Variants in CCSER1 observed in about 807,000 individuals in gnomAD.
The protein encoded by CCSER1 is coiled-coil serine rich protein 1.
Under a neutral mutation model 82.0 loss-of-function variants are expected in CCSER1, and 41 were observed. That is an observed-to-expected ratio of 0.50 (90% CI 0.39 to 0.65). The LOEUF (loss-of-function observed/expected upper bound fraction) is 0.65, where lower values mean the gene tolerates loss of function less well. Ranked by LOEUF, CCSER1 falls within the 30% of genes least tolerant of loss-of-function variation. CCSER1 has a pLI of 0.00. For missense variants in CCSER1, 1,119 were observed against 1,064.2 expected (o/e 1.05, Z -0.72); for synonymous variants, 414 against 383.9 (o/e 1.08, Z -0.92).
intron 5 of CCSER1, among the ~76,000 whole-genome samples, chr4:90,483,119 T>C (rs575270496): frequency 6.6e-6 from 1 of 152,316 alleles, no homozygotes; most frequent in African/African-American, 2.4e-5. Context: ...CCCTTTACCA[T>C]TATGTAATGG....
chr4:90,434,340 C>T (rs1041372348), intron 4 of CCSER1, among the ~76,000 whole-genome samples: 3 of 152,044 alleles, frequency 2.0e-5, no homozygotes, highest in African/African-American at 4.8e-5. Flanking sequence ...TAATTCTACC[C>T]TGCCCTGTTT....
intron 5 of CCSER1, among the ~76,000 whole-genome samples, chr4:90,544,184 GT>G (rs1247326858): frequency 6.6e-6 from 1 of 152,024 alleles, no homozygotes; most frequent in African/African-American, 2.4e-5. Flanking sequence ...ATCCTTTGTC[GT>G]GGAGAAAAAC....
intron 10 of CCSER1, among the ~76,000 whole-genome samples, chr4:91,089,841 C>T (rs1344611947): frequency 2.0e-5 from 3 of 152,162 alleles, no homozygotes; most frequent in Non-Finnish European, 4.4e-5. Flanking sequence ...ATGTCTTCAA[C>T]TACTTGCCCT....
chr4:90,373,065 G>C (rs189246687), intron 3 of CCSER1, among the ~76,000 whole-genome samples: 64 of 152,054 alleles, frequency 4.2e-4, no homozygotes, highest in African/African-American at 1.4e-3. Context: ...CTTATCTGTT[G>C]AGAGTTGACT....
intron 1 of CCSER1, among the ~76,000 whole-genome samples, chr4:90,229,604 A>G (rs184054997): frequency 1.6e-4 from 24 of 152,264 alleles, no homozygotes; most frequent in Non-Finnish European, 2.1e-4. Context: ...TGACAGGATC[A>G]AATTCACACA....
At chr4:91,190,304 A>G (rs1280635367) in intron 10 of CCSER1, among the ~76,000 whole-genome samples, 1 of 152,226 alleles carries the variant, frequency 6.6e-6, no homozygotes, top group Non-Finnish European at 1.5e-5. Context: ...TAGTTACCCC[A>G]GAGAATCTAG....
intron 10 of CCSER1, among the ~76,000 whole-genome samples, chr4:91,216,434 C>T: frequency 6.6e-6 from 1 of 152,156 alleles, no homozygotes; most frequent in Non-Finnish European, 1.5e-5. Flanking sequence ...ATTCTCCTGC[C>T]TCAGCCTCCC....
intron 5 of CCSER1, among the ~76,000 whole-genome samples, chr4:90,547,357 T>G (rs1001693501): frequency 6.6e-5 from 10 of 152,084 alleles, no homozygotes; most frequent in African/African-American, 2.4e-4. Context: ...TGCCACATTT[T>G]TAAACAAAGT....
At chr4:90,422,344 A>G (rs1368026668) in intron 4 of CCSER1, among the ~76,000 whole-genome samples, 2 of 152,176 alleles carry the variant, frequency 1.3e-5, no homozygotes, top group African/African-American at 2.4e-5. Flanking sequence ...ATGATCCTCC[A>G]GCACTTTGGG....
In CCSER1 at chr4:91,115,124, G is replaced by C. The variant is rs1247579939; in HGVS notation, c.2217+29130G>C. Among the ~76,000 whole-genome samples, 3 of 152,062 alleles carry C rather than the reference G, an allele frequency of 2.0e-5. No individual in the cohort carries two copies. The East Asian group carries it at 5.8e-4, about 29-fold the overall frequency. On this transcript the variant is annotated intron_variant, in intron 10 of 10. Coordinates refer to ENST00000509176, the MANE Select transcript of CCSER1 (RefSeq NM_001145065.2). ...TAATAGCATAATGTCAAAGTTGAAG[G>C]GCCAATTGAATAATAAATTATGTTA...
chr4:91,350,164 A>T (rs1043881006), intron 10 of CCSER1, among the ~76,000 whole-genome samples: 1 of 152,156 alleles, frequency 6.6e-6, no homozygotes, highest in African/African-American at 2.4e-5. Flanking sequence ...TTTGCTTCCC[A>T]TGTAAACTTT....
chr4:90,967,167 G>T (rs1437928453), intron 9 of CCSER1, among the ~76,000 whole-genome samples: 5 of 152,144 alleles, frequency 3.3e-5, no homozygotes, highest in Non-Finnish European at 2.9e-5. Context: ...GTCATTTTGG[G>T]CTGGGTGTGG....
At chr4:90,718,784 A>G (rs947205085) in intron 6 of CCSER1, among the ~76,000 whole-genome samples, 1 of 152,124 alleles carries the variant, frequency 6.6e-6, no homozygotes, top group African/African-American at 2.4e-5. Context: ...TTTAAAATAA[A>G]CTTTTAATTG....
intron 3 of CCSER1, among the ~76,000 whole-genome samples, chr4:90,339,059 A>T (rs1193938392): frequency 6.6e-6 from 1 of 152,182 alleles, no homozygotes; most frequent in Admixed American, 6.5e-5. Flanking sequence ...AATTGTTTAT[A>T]TATTTATAGC....
At chr4:90,213,844 G>T (rs540481968) in intron 1 of CCSER1, among the ~76,000 whole-genome samples, 1 of 152,114 alleles carries the variant, frequency 6.6e-6, no homozygotes, top group African/African-American at 2.4e-5. Flanking sequence ...AAATTGTGGT[G>T]ACAAAAACTT....
At chr4:90,230,005 C>T (rs1290929112) in intron 1 of CCSER1, among the ~76,000 whole-genome samples, 1 of 152,136 alleles carries the variant, frequency 6.6e-6, no homozygotes, top group Admixed American at 6.5e-5. Flanking sequence ...GACTTAGACT[C>T]CCACACAATA....
intron 5 of CCSER1, among the ~76,000 whole-genome samples, chr4:90,599,750 G>C (rs182585118): frequency 2.6e-5 from 4 of 152,236 alleles, no homozygotes; most frequent in Admixed American, 6.5e-5. Flanking sequence ...TCAAAATGCA[G>C]CTGCTTATTC....
chr4:91,431,120 C>T (rs1389609505), intron 10 of CCSER1, among the ~76,000 whole-genome samples: 9 of 152,088 alleles, frequency 5.9e-5, no homozygotes, highest in Admixed American at 5.2e-4. Flanking sequence ...CCTGTAGTCC[C>T]AGCTACTCGG....
chr4:90,734,367 TGCCC>T (rs930363059), intron 7 of CCSER1, among the ~76,000 whole-genome samples: 2 of 152,234 alleles, frequency 1.3e-5, no homozygotes, highest in South Asian at 2.1e-4. Flanking sequence ...CCTCGTGATC[TGCCC>T]GCCTTGGCCT....
Sources: allele counts gnomAD v4.1 joint callset (sites outside exome capture counted in the v4.1 genomes callset), GRCh38; gene constraint gnomAD v4.1.1; transcripts MANE v1.5; gene names NCBI Gene and HGNC (gene_info 2026-07-23, HGNC 2026-07-21).